The following SPX variants were observed in gnomAD, a reference collection of about 807,000 sequenced individuals.
The protein encoded by SPX is spexin hormone, also known as spexin.
SPX carries 22 observed loss-of-function variants against 19.2 expected under a neutral mutation model. That is an observed-to-expected ratio of 1.15 (90% confidence interval 0.82 to 1.64). The LOEUF (loss-of-function observed/expected upper bound fraction) is 1.64, where lower values mean the gene tolerates loss of function less well. Ranked by LOEUF, SPX falls within the 40% of genes most tolerant of loss-of-function variation. The pLI, the probability that SPX is intolerant of heterozygous loss-of-function variation, is 0.00. For synonymous variants in SPX, 50 were observed against 53.3 expected, an observed-to-expected ratio of 0.94 and a Z score of 0.27; for missense variants, 143 against 137.7, an observed-to-expected ratio of 1.04 and a Z score of -0.19.
Position 21,532,024 on chromosome 12 carries a change from G to A in SPX, c.*829G>A, listed in dbSNP as rs1943870458. Reference sequence around the variant, plus strand: ...CTTACTCTAATTGACTAGACTCTAGGTTTTATTTGACATCATAGCATTACA... The same window carrying A: ...CTTACTCTAATTGACTAGACTCTAGATTTTATTTGACATCATAGCATTACA... On this transcript the variant is annotated 3_prime_UTR_variant, in exon 6 of 6. Transcript: ENST00000256969. 1 of 152,110 alleles carries A rather than the reference G, an allele frequency of 6.6e-6. No individual in the cohort carries two copies. The highest frequency in any genetic ancestry group is 1.5e-5 in the Non-Finnish European group (1 of 68,008). 9.4% of individuals were successfully genotyped at this position (152,110 alleles called of 1,614,324 possible).
intron 5 of SPX, among the ~76,000 whole-genome samples, chr12:21,530,342 C>T (rs1943852674): frequency 6.6e-6 from 1 of 152,072 alleles, no homozygotes; most frequent in East Asian, 1.9e-4. Flanking sequence ...TTCTTCCTTC[C>T]CTTTAAAGAG....
intron 5 of SPX, among the ~76,000 whole-genome samples, chr12:21,529,881 T>A (rs1943847630): frequency 6.6e-6 from 1 of 152,074 alleles, no homozygotes; most frequent in Admixed American, 6.5e-5. Flanking sequence ...ATTTTTGGAG[T>A]CAGTACGAAA....
chr12:21,527,600 A>G, intron 3 of SPX, 127 bp from the exon 4 acceptor site: 1 of 940,494 alleles, frequency 1.1e-6, no homozygotes, highest in Non-Finnish European at 1.6e-6. Flanking sequence ...GCCCCGCGCG[A>G]CCCTATCCTG....
At chr12:21,527,223 A>G (rs1463355376) in intron 3 of SPX, 31 bp downstream of exon 3, 9 of 1,579,700 alleles carry the variant, frequency 5.7e-6, no homozygotes, top group Non-Finnish European at 7.8e-6. Context: ...TCTTCCTACA[A>G]TAATGGAAGA....
chr12:21,530,734 T>A (rs1185049951), intron 5 of SPX, among the ~76,000 whole-genome samples: 1 of 152,196 alleles, frequency 6.6e-6, no homozygotes, highest in Non-Finnish European at 1.5e-5. Flanking sequence ...TGTTCCCATG[T>A]CATCTTTCCC....
At chr12:21,527,307 T>C (rs1943823388) in intron 3 of SPX, 115 bp downstream of exon 3, 5 of 1,073,388 alleles carry the variant, frequency 4.7e-6, no homozygotes, top group Non-Finnish European at 1.4e-6. Flanking sequence ...CCTTAAATCA[T>C]CGAGGCCATC....
chr12:21,532,400 C>T lies in SPX; in HGVS notation c.*1205C>T, dbSNP rs1276473632. ...ATTTCACTGTGTTAAGTAATCAGAACTCTGCTTATAAGATTTATCTGTATC... is the reference window on the plus strand; with the variant it reads ...ATTTCACTGTGTTAAGTAATCAGAATTCTGCTTATAAGATTTATCTGTATC... On this transcript the variant is annotated 3_prime_UTR_variant, in exon 6 of 6. Coordinates refer to ENST00000256969, the MANE Select transcript of SPX (RefSeq NM_030572.4). The T allele has an allele frequency of 6.6e-6, 1 of 152,126 alleles. No homozygotes were observed. Among genetic ancestry groups the T allele is most frequent in the Non-Finnish European group, 1.5e-5 (1 of 68,010 alleles). 9.4% of individuals were successfully genotyped at this position (152,126 alleles called of 1,614,324 possible). A position where few individuals can be genotyped will look rare whatever the true frequency, so the allele number is the denominator to read the frequency against.
rs1434061458 is a variant in SPX at position 21,532,286 on chromosome 12, G to A, written c.*1091G>A. ...TATTGACAAATGTCATAAGTGGAAA[G>A]TATTAATTCTTATTGTCATCAGTAT... On this transcript the variant is annotated 3_prime_UTR_variant, in exon 6 of 6. Transcript: ENST00000256969. The A allele has an allele frequency of 6.6e-6, 1 of 152,198 alleles. No individual in the cohort carries two copies. Among genetic ancestry groups the A allele is most frequent in the African/African-American group, 2.4e-5 (1 of 41,446 alleles). The allele number at this position is 152,198 out of a possible 1,614,324, so 9.4% of individuals were successfully genotyped here. A position where few individuals can be genotyped will look rare whatever the true frequency, so the allele number is the denominator to read the frequency against.
At position 21,532,091 on chromosome 12, in the gene SPX, T is replaced by A. The variant is rs1943870970; in HGVS notation, c.*896T>A. On this transcript the variant is annotated 3_prime_UTR_variant, in exon 6 of 6. Transcript: ENST00000256969. ...CATAAGTGCACAGTAATATGCCTGA[T>A]CTCTTCCTTTTTAAAAGCCAACTTG... is the stretch of plus-strand genomic sequence containing the variant. The A allele has an allele frequency of 6.6e-6, 1 of 152,194 alleles. No homozygotes were observed. Among genetic ancestry groups the A allele is most frequent in the South Asian group, 2.1e-4 (1 of 4,832 alleles). 9.4% of individuals were successfully genotyped at this position (152,194 alleles called of 1,614,324 possible).
At chr12:21,530,731 A>G (rs1449481327) in intron 5 of SPX, among the ~76,000 whole-genome samples, 3 of 152,154 alleles carry the variant, frequency 2.0e-5, no homozygotes, top group Non-Finnish European at 4.4e-5. Flanking sequence ...ATGTGTTCCC[A>G]TGTCATCTTT....
At chr12:21,531,005 A>G (rs1943860131) in intron 5 of SPX, 132 bp from the exon 6 acceptor site, 1 of 615,230 alleles carries the variant, frequency 1.6e-6, no homozygotes. Context: ...TTAAATTTTC[A>G]GTAGCAGAGT....
At chr12:21,527,028 T>C in intron 2 of SPX, 62 bp downstream of exon 2, 1 of 1,586,966 alleles carries the variant, frequency 6.3e-7, no homozygotes. Context: ...CTCTGCTCTT[T>C]CTTTCTTCCT....
At chr12:21,529,139 C>A (rs1360505663) in intron 5 of SPX, 55 bp downstream of exon 5, 1 of 1,551,200 alleles carries the variant, frequency 6.4e-7, no homozygotes, top group Non-Finnish European at 8.9e-7. Flanking sequence ...TGCTTACTTT[C>A]GGGATTCTGT....
intron 4 of SPX, among the ~76,000 whole-genome samples, chr12:21,528,634 C>G (rs555065310): frequency 6.6e-6 from 1 of 152,304 alleles, no homozygotes; most frequent in South Asian, 2.1e-4. Flanking sequence ...TGTGCTGAAT[C>G]AGAACAATTT....
At chr12:21,526,808 T>C (rs947018635) in intron 1 of SPX, 78 bp from the exon 2 acceptor site, 5 of 1,352,528 alleles carry the variant, frequency 3.7e-6, no homozygotes, top group Non-Finnish European at 5.3e-6. Flanking sequence ...GGGTTTATAA[T>C]TGTCCAGGCG....
At chr12:21,528,339 T>C (rs1425433390) in intron 4 of SPX, among the ~76,000 whole-genome samples, 1 of 152,212 alleles carries the variant, frequency 6.6e-6, no homozygotes, top group Non-Finnish European at 1.5e-5. Context: ...AAGAGTAACA[T>C]GCGGGCAGTT....
At position 21,528,985 on chromosome 12, in the gene SPX, A is replaced by AT; in HGVS notation, c.209-11dup. On this transcript the variant is annotated splice_polypyrimidine_tract_variant and intron_variant, in intron 4 of 5. Coordinates refer to ENST00000256969, the MANE Select transcript of SPX (RefSeq NM_030572.4). ...ATAAATGCTAAGAGAATCTGTATAC[A>AT]TTTTTGTTTCTGCAGAAAGACGAAG... is the stretch of plus-strand genomic sequence containing the variant. 6.2e-7 allele frequency: 1 copy of AT among 1,603,526 alleles called. No individual in the cohort carries two copies. Among genetic ancestry groups the AT allele is most frequent in the South Asian group, 1.1e-5 (1 of 90,872 alleles).
rs377471572 is a variant in SPX at position 21,526,517 on chromosome 12, T to A, written c.6+39T>A. On this transcript the variant is annotated intron_variant, in intron 1 of 5. Coordinates refer to ENST00000256969, the MANE Select transcript of SPX (RefSeq NM_030572.4). Reference sequence around the variant, plus strand: ...TTATTAACTTGAGACTTCTTAGCTATTTTTTAAAACGTTTTATAGCATTTT... The same window carrying A: ...TTATTAACTTGAGACTTCTTAGCTAATTTTTAAAACGTTTTATAGCATTTT... 2.5e-6 allele frequency: 4 copies of A among 1,576,332 alleles called. No individual in the cohort carries two copies. In the South Asian group the frequency reaches 3.5e-5, roughly 14 times the overall value.
intron 5 of SPX, among the ~76,000 whole-genome samples, chr12:21,530,308 G>GGTTTT (rs1024385638): frequency 2.0e-5 from 3 of 150,866 alleles, no homozygotes; most frequent in Admixed American, 6.6e-5. Flanking sequence ...ACGCCGTTCT[G>GGTTTT]GTTTTGTTTT....
Sources: allele counts gnomAD v4.1 joint callset (sites outside exome capture counted in the v4.1 genomes callset), GRCh38; gene constraint gnomAD v4.1.1; transcripts MANE v1.5; gene names NCBI Gene and HGNC (gene_info 2026-07-23, HGNC 2026-07-21).